RPS6KA2: variants seen among roughly 807,000 people sequenced by gnomAD.
RPS6KA2 encodes the protein ribosomal protein S6 kinase alpha-2.
A neutral mutation model predicts 91.8 loss-of-function variants in RPS6KA2; 42 were observed. That is an observed-to-expected ratio of 0.46 (90% CI 0.36 to 0.59). The LOEUF is 0.59. Ranked by LOEUF, RPS6KA2 falls within the 20% of genes least tolerant of loss-of-function variation. The pLI, the probability that RPS6KA2 is intolerant of heterozygous loss-of-function variation, is 0.00. For missense variants in RPS6KA2, 798 were observed against 978.5 expected, an observed-to-expected ratio of 0.82 and a Z score of 2.46; for synonymous variants, 414 against 393.6, an observed-to-expected ratio of 1.05 and a Z score of -0.61.
chr6:166,769,685 G>A (rs1778413971), intron 2 of RPS6KA2, among the ~76,000 whole-genome samples: 1 of 152,182 alleles, frequency 6.6e-6, no homozygotes, highest in African/African-American at 2.4e-5. Context: ...GTAAAACAGT[G>A]GAATTCAAAT....
chr6:166,770,737 G>C lies in RPS6KA2; in HGVS notation c.123+87463C>G. ...GCCTTCTAAAAGCTCTTCGCACCTT[G>C]CCTTGCTGGACTCCGGGCACCGTGA... is the stretch of plus-strand genomic sequence containing the variant. On this transcript the variant is annotated intron_variant, in intron 2 of 21. Coordinates refer to the RPS6KA2 transcript ENST00000503859. The surrounding 1 kb of genome is among the most constrained non-coding windows in gnomAD (Gnocchi z 5.1). 1 of 883,804 alleles carries C rather than the reference G, an allele frequency of 1.1e-6. No individual in the cohort carries two copies. The highest frequency in any genetic ancestry group is 2.4e-5 in the East Asian group (1 of 40,962). 54.7% of individuals were successfully genotyped at this position (883,804 alleles called of 1,614,324 possible).
exon 1 of RPS6KA2, chr6:166,862,161 C>T (rs1781060984): frequency 1.2e-6 from 2 of 1,614,162 alleles, no homozygotes; most frequent in Non-Finnish European, 1.7e-6. Context: ...AGCAACTGTG[C>T]GATTGGCATT....
At chr6:166,810,547 A>G (rs1779604047) in intron 2 of RPS6KA2, among the ~76,000 whole-genome samples, 1 of 152,212 alleles carries the variant, frequency 6.6e-6, no homozygotes, top group African/African-American at 2.4e-5. Flanking sequence ...AGTATCTTAA[A>G]TAGCTGAGAA....
At chr6:166,503,907 A>G (rs1424780760) in intron 6 of RPS6KA2, among the ~76,000 whole-genome samples, 1 of 152,162 alleles carries the variant, frequency 6.6e-6, no homozygotes, top group Admixed American at 6.5e-5. Context: ...ATCTCAGTGG[A>G]CTCTGGGTCT....
intron 10 of RPS6KA2, among the ~76,000 whole-genome samples, chr6:166,479,573 A>C (rs998496846): frequency 2.0e-5 from 3 of 152,360 alleles, no homozygotes; most frequent in African/African-American, 7.2e-5. Flanking sequence ...GCTAACCGCC[A>C]GGGGGTGGCC....
chr6:166,704,043 A>C (rs954474447), intron 2 of RPS6KA2, among the ~76,000 whole-genome samples: 5 of 152,218 alleles, frequency 3.3e-5, no homozygotes, highest in Admixed American at 1.3e-4. Flanking sequence ...ATTGGCTCAC[A>C]CTTCTTGCAG....
At chr6:166,698,037 G>A (rs1264248658) in intron 2 of RPS6KA2, among the ~76,000 whole-genome samples, 1 of 152,148 alleles carries the variant, frequency 6.6e-6, no homozygotes, top group Admixed American at 6.5e-5. Flanking sequence ...TTGCTGTGCA[G>A]AGAAGAGAGT....
intron 3 of RPS6KA2, among the ~76,000 whole-genome samples, chr6:166,526,843 T>C (rs6908895): frequency 0.2 from 29,910 of 152,210 alleles, 3,136 homozygotes; most frequent in African/African-American, 0.26. Context: ...CTTTGGCATG[T>C]TTGCTTCTGG....
At chr6:166,743,207 G>A (rs1790869097) in intron 2 of RPS6KA2, among the ~76,000 whole-genome samples, 1 of 151,964 alleles carries the variant, frequency 6.6e-6, no homozygotes, top group African/African-American at 2.4e-5. Flanking sequence ...ACCAAAACAC[G>A]GTTCACAAAG....
chr6:166,562,957 C>A (rs901412289), intron 1 of RPS6KA2, among the ~76,000 whole-genome samples: 1 of 152,206 alleles, frequency 6.6e-6, no homozygotes, highest in Non-Finnish European at 1.5e-5. Context: ...AGGACAGGCG[C>A]CCCGGCGGGA....
At chr6:166,540,707 G>A (rs1783626322) in intron 1 of RPS6KA2, among the ~76,000 whole-genome samples, 1 of 152,156 alleles carries the variant, frequency 6.6e-6, no homozygotes, top group Non-Finnish European at 1.5e-5. Context: ...TAGAATTGCA[G>A]GACCATGCTA....
At chr6:166,606,448 T>C (rs1785958887) in intron 1 of RPS6KA2, among the ~76,000 whole-genome samples, 2 of 152,230 alleles carry the variant, frequency 1.3e-5, no homozygotes, top group African/African-American at 4.8e-5. Flanking sequence ...CTAAGCAGCG[T>C]TGTGTAGGCC....
At chr6:166,625,607 T>C (rs1786843515) in intron 1 of RPS6KA2, among the ~76,000 whole-genome samples, 1 of 152,122 alleles carries the variant, frequency 6.6e-6, no homozygotes, top group Non-Finnish European at 1.5e-5. Context: ...AACAAAGACA[T>C]GTATCCGGAT....
chr6:166,811,047 A>G (rs1255186554), intron 2 of RPS6KA2, among the ~76,000 whole-genome samples: 1 of 152,230 alleles, frequency 6.6e-6, no homozygotes, highest in Non-Finnish European at 1.5e-5. Context: ...ACAGTTTCTT[A>G]AGGACCAAGA....
chr6:166,550,805 A>C (rs534287835), intron 1 of RPS6KA2, among the ~76,000 whole-genome samples: 1 of 152,016 alleles, frequency 6.6e-6, no homozygotes, highest in Non-Finnish European at 1.5e-5. Flanking sequence ...GATCGACACC[A>C]TCCTGGCTAA....
intron 1 of RPS6KA2, among the ~76,000 whole-genome samples, chr6:166,552,077 G>A (rs1020221833): frequency 6.6e-6 from 1 of 152,140 alleles, no homozygotes; most frequent in East Asian, 1.9e-4. Context: ...GATTTCACCC[G>A]CCTAGAGATC....
Position 166,702,627 on chromosome 6 carries a change from C to T in RPS6KA2, c.123+155573G>A, listed in dbSNP as rs983952176. 5.1e-6 allele frequency: 8 copies of T among 1,571,518 alleles called. No individual in the cohort carries two copies. In the African/African-American group the frequency reaches 8.1e-5, roughly 16 times the overall value. The stretch of plus-strand genomic sequence containing the variant: ...TCCTTTGCCTTTTTGGGACCGAGTG[C>T]TCAACTTCTATGGGTTTCCCGTGCA... On this transcript the variant is annotated intron_variant, in intron 2 of 21. Transcript: ENST00000503859.
intron 2 of RPS6KA2, among the ~76,000 whole-genome samples, chr6:166,812,579 T>A (rs1779666900): frequency 6.6e-6 from 1 of 152,162 alleles, no homozygotes; most frequent in Admixed American, 6.5e-5. Context: ...ATCCTCCACA[T>A]GGGGTCTGTG....
rs1562523946 is a variant in RPS6KA2, at chr6:166,480,509, ATAT to A, written c.907+8321_907+8323del. ...TATATATATATATATATATATATAT[ATAT>A]ATAATATATTTTTTTTTTTTGAGAG... On this transcript the variant is annotated intron_variant, in intron 10 of 20. Transcript: ENST00000265678. 8.5e-4 allele frequency among the ~76,000 whole-genome samples: 86 copies of A among 101,660 alleles called. 2 individuals are homozygous for A. The highest frequency in any genetic ancestry group is 2.9e-3 in the African/African-American group (80 of 27,322). The allele number at this position is 101,660 out of a possible 152,430, so 66.7% of individuals were successfully genotyped here.
Sources: allele counts gnomAD v4.1 joint callset (sites outside exome capture counted in the v4.1 genomes callset), GRCh38; gene constraint gnomAD v4.1.1; non-coding constraint Gnocchi (gnomAD v3.1); transcripts MANE v1.5; gene names NCBI Gene and HGNC (gene_info 2026-07-23, HGNC 2026-07-21).